Variants in ABLIM2 observed in about 807,000 individuals in gnomAD.
The protein encoded by ABLIM2 is actin binding LIM protein family member 2, also known as actin-binding LIM protein 2.
A neutral mutation model predicts 97.7 loss-of-function variants in ABLIM2; 53 were observed. The ratio of observed to expected loss-of-function variants is 0.54; its 90% confidence interval spans 0.44 to 0.68. The LOEUF (loss-of-function observed/expected upper bound fraction) is 0.68, where lower values mean the gene tolerates loss of function less well. ABLIM2 is among the 30% of genes least tolerant of loss of function. The pLI is 0.00. For missense variants in ABLIM2, 835 were observed against 867.2 expected (o/e 0.96, Z 0.47); for synonymous variants, 361 against 345.8 (o/e 1.04, Z -0.49).
At chr4:8,084,973 G>A (rs1255943348) in intron 4 of ABLIM2, among the ~76,000 whole-genome samples, 1 of 152,228 alleles carries the variant, frequency 6.6e-6, no homozygotes, top group Non-Finnish European at 1.5e-5. Context: ...GCACTGGAGA[G>A]CTGGGGGCCT....
Position 8,091,553 on chromosome 4 carries a change from AAT to A in ABLIM2, c.339-3271_339-3270del, listed in dbSNP as rs1321026439. On this transcript the variant is annotated intron_variant, in intron 3 of 20. Transcript: ENST00000447017. The stretch of plus-strand genomic sequence containing the variant: ...ATATAAAATTATATATAATATTTAT[AAT>A]TATATATATTATATATAATTTTATA... Among the ~76,000 whole-genome samples the A allele has an allele frequency of 2.7e-3, 124 of 45,304 alleles. 18 individuals are homozygous for A. The highest frequency in any genetic ancestry group is 4.8e-3 in the Admixed American group (11 of 2,280). 29.7% of individuals were successfully genotyped at this position (45,304 alleles called of 152,430 possible).
intron 1 of ABLIM2, among the ~76,000 whole-genome samples, chr4:8,116,601 C>T (rs11736271): frequency 0.43 from 65,437 of 152,110 alleles, 14,257 homozygotes; most frequent in East Asian, 0.55. Flanking sequence ...TTTCCAGTTG[C>T]AGGTAGATGC....
chr4:7,987,384 A>C (rs1253866905), intron 17 of ABLIM2, among the ~76,000 whole-genome samples: 1 of 152,130 alleles, frequency 6.6e-6, no homozygotes, highest in African/African-American at 2.4e-5. Context: ...CAGCCTCCCA[A>C]AGCACTGGGA....
chr4:8,106,435 G>A, intron 2 of ABLIM2, 59 bp downstream of exon 2: 2 of 1,555,356 alleles, frequency 1.3e-6, no homozygotes. Flanking sequence ...GCGGGCCCAG[G>A]ATCGCCGCTG....
rs999187100 is a variant in ABLIM2 at position 8,061,182 on chromosome 4, C to T, written c.676-128G>A. ...AGGGGATACTGGAAGGGCCAGCCCC[C>T]ACCATCGGGACCCAAGACCCCTGAG... On this transcript the variant is annotated intron_variant, in intron 6 of 20. Transcript: ENST00000447017. The surrounding 1 kb of genome is among the most constrained non-coding windows in gnomAD (Gnocchi z 4.5). The T allele has an allele frequency of 1.3e-6, 1 of 793,144 alleles. No homozygotes were observed. Among genetic ancestry groups the T allele is most frequent in the Non-Finnish European group, 2.0e-6 (1 of 496,942 alleles). 49.1% of individuals were successfully genotyped at this position (793,144 alleles called of 1,614,324 possible). A position where few individuals can be genotyped will look rare whatever the true frequency, so the allele number is the denominator to read the frequency against.
intron 1 of ABLIM2, among the ~76,000 whole-genome samples, chr4:8,146,208 T>C (rs1167245358): frequency 1.3e-5 from 2 of 152,228 alleles, no homozygotes; most frequent in African/African-American, 4.8e-5. Flanking sequence ...GCTGTCAAAG[T>C]ATGGTCTAGG....
Position 7,965,936 on chromosome 4 carries a change from G to A in ABLIM2, c.*1054C>T, listed in dbSNP as rs535524965. On this transcript the variant is annotated 3_prime_UTR_variant, in exon 21 of 21. Coordinates refer to ENST00000447017, the MANE Select transcript of ABLIM2 (RefSeq NM_001130083.2). The stretch of plus-strand genomic sequence containing the variant: ...ACAAGGACGGTGCATCAAGAGCTAC[G>A]TCGGGTATTAGGCAGGGTACGTGGA... The A allele has an allele frequency of 5.2e-4, 79 of 152,364 alleles. No homozygotes were observed. Among genetic ancestry groups the A allele is most frequent in the African/African-American group, 1.8e-3 (75 of 41,576 alleles). 9.4% of individuals were successfully genotyped at this position (152,364 alleles called of 1,614,324 possible).
At chr4:8,097,345 C>G in intron 2 of ABLIM2, 63 bp from the exon 3 acceptor site, 1 of 1,529,530 alleles carries the variant, frequency 6.5e-7, no homozygotes. Context: ...TCCCCCAGGC[C>G]CGAGGTGCAC....
intron 2 of ABLIM2, among the ~76,000 whole-genome samples, chr4:8,102,054 G>A (rs933321727): frequency 6.6e-6 from 1 of 152,164 alleles, no homozygotes; most frequent in African/African-American, 2.4e-5. Flanking sequence ...CAAGCACCCA[G>A]AGATCCATGG....
In ABLIM2 at chr4:8,071,693, A is replaced by AGCC. The variant is rs1812250881; in HGVS notation, c.675+5934_675+5935insGGC. ...ACACCTGACTGCTCTGTCCCCAAAA[A>AGCC]CCCACCCACCCGCAGCCCCTCCTGG... On this transcript the variant is annotated intron_variant, in intron 6 of 20. Coordinates refer to ENST00000447017, the MANE Select transcript of ABLIM2 (RefSeq NM_001130083.2). The surrounding 1 kb of genome is among the most constrained non-coding windows in gnomAD (Gnocchi z 6.2). 400 of 819,730 alleles carry AGCC rather than the reference A, an allele frequency of 4.9e-4. No homozygotes were observed. Among genetic ancestry groups the AGCC allele is most frequent in the Middle Eastern group, 6.3e-4 (1 of 1,592 alleles). The allele number at this position is 819,730 out of a possible 1,614,324, so 50.8% of individuals were successfully genotyped here.
intron 1 of ABLIM2, among the ~76,000 whole-genome samples, chr4:8,137,733 G>A (rs1850386559): frequency 1.3e-5 from 2 of 152,248 alleles, no homozygotes; most frequent in South Asian, 2.1e-4. Flanking sequence ...GTCAAATGGT[G>A]CAGCCACTGT....
chr4:8,075,389 T>C lies in ABLIM2; in HGVS notation c.675+2239A>G, dbSNP rs1385755751. ...GATGGCTGCAAATATCTATGGTTAT[T>C]GATAAAGAAAACCATTGAATGGGCT... On this transcript the variant is annotated intron_variant, in intron 6 of 20. Coordinates refer to ENST00000447017, the MANE Select transcript of ABLIM2 (RefSeq NM_001130083.2). The surrounding 1 kb of genome is among the most constrained non-coding windows in gnomAD (Gnocchi z 4.4). 3.3e-5 allele frequency among the ~76,000 whole-genome samples: 5 copies of C among 152,112 alleles called. No homozygotes were observed. The highest frequency in any genetic ancestry group is 1.2e-4 in the African/African-American group (5 of 41,414).
chr4:8,084,409 T>C (rs1360957500), intron 4 of ABLIM2, among the ~76,000 whole-genome samples: 1 of 152,104 alleles, frequency 6.6e-6, no homozygotes, highest in African/African-American at 2.4e-5. Context: ...GCTCTCCTGT[T>C]TCCCAGGCAG....
chr4:8,060,539 G>A (rs143859812), intron 7 of ABLIM2, among the ~76,000 whole-genome samples: 31 of 152,336 alleles, frequency 2.0e-4, no homozygotes, highest in Non-Finnish European at 3.8e-4. Flanking sequence ...TTTGTGGACA[G>A]AGGGGTTGCA....
At chr4:8,081,494 C>A (rs1034787923) in intron 4 of ABLIM2, among the ~76,000 whole-genome samples, 3 of 152,234 alleles carry the variant, frequency 2.0e-5, no homozygotes, top group Non-Finnish European at 4.4e-5. Context: ...ATACCGGGGG[C>A]TCCACAGCCA....
chr4:7,982,545 A>G (rs1739539156), intron 20 of ABLIM2, among the ~76,000 whole-genome samples: 1 of 152,126 alleles, frequency 6.6e-6, no homozygotes, highest in African/African-American at 2.4e-5. Context: ...GTATTCAAAC[A>G]CCTATTCCTT....
rs572101251 is a variant in ABLIM2 at position 8,069,437 on chromosome 4, G to A, written c.675+8191C>T. ...GAAGACAGTGATGAGCACATTGCCC[G>A]GGGACCAGGGGACGCAAGGGAGGAC... is the stretch of plus-strand genomic sequence containing the variant. On this transcript the variant is annotated intron_variant, in intron 6 of 20. Coordinates refer to ENST00000447017, the MANE Select transcript of ABLIM2 (RefSeq NM_001130083.2). This position sits in a 1 kb window ranked among gnomAD's most constrained non-coding sequence, Gnocchi z 4.2. Among the ~76,000 whole-genome samples the A allele has an allele frequency of 8.2e-4, 125 of 152,282 alleles. No homozygotes were observed. The highest frequency in any genetic ancestry group is 2.8e-3 in the African/African-American group (118 of 41,490).
chr4:8,040,017 G>A (rs546387167), intron 9 of ABLIM2, among the ~76,000 whole-genome samples: 14 of 152,118 alleles, frequency 9.2e-5, no homozygotes, highest in Admixed American at 7.9e-4. Flanking sequence ...TAAGATGAAC[G>A]AGGCCCAGTC....
chr4:8,095,076 C>T lies in ABLIM2; in HGVS notation c.338+2023G>A, dbSNP rs6849620. On this transcript the variant is annotated intron_variant, in intron 3 of 20. Transcript: ENST00000447017. This position sits in a 1 kb window ranked among gnomAD's most constrained non-coding sequence, Gnocchi z 4.7. ...TCTTTCTTTCTCTTTCTTTCTTTCT[C>T]TCTCTCTCTCTTTCTTTCTTTCTCT... 2.2e-5 allele frequency among the ~76,000 whole-genome samples: 3 copies of T among 135,344 alleles called. No individual in the cohort carries two copies. The highest frequency in any genetic ancestry group is 2.3e-4 in the East Asian group (1 of 4,432). The allele number at this position is 135,344 out of a possible 152,430, so 88.8% of individuals were successfully genotyped here.
Sources: allele counts gnomAD v4.1 joint callset (sites outside exome capture counted in the v4.1 genomes callset), GRCh38; gene constraint gnomAD v4.1.1; non-coding constraint Gnocchi (gnomAD v3.1); transcripts MANE v1.5; gene names NCBI Gene and HGNC (gene_info 2026-07-23, HGNC 2026-07-21).